The following OR8B3 variants were observed in gnomAD, a reference collection of about 807,000 sequenced individuals.
OR8B3 encodes the protein olfactory receptor 8B3.
For synonymous variants in OR8B3, 102 were observed against 135.4 expected (o/e 0.75, Z 1.71); for missense variants, 278 against 377.6 (o/e 0.74, Z 2.19).
At chr11:124,406,355 T>C in the OR8B3 span, among the ~76,000 whole-genome samples, 1 of 152,180 alleles carries the variant, frequency 6.6e-6, no homozygotes, top group East Asian at 1.9e-4. Flanking sequence ...GCCTGGAATA[T>C]GGAAAGAGTC....
the OR8B3 span, among the ~76,000 whole-genome samples, chr11:124,407,616 C>T: frequency 2.6e-5 from 4 of 152,080 alleles, no homozygotes; most frequent in African/African-American, 9.7e-5. Context: ...ACATTCCTCT[C>T]AACTGTAATA....
At chr11:124,407,322 A>G in the OR8B3 span, among the ~76,000 whole-genome samples, 7 of 152,088 alleles carry the variant, frequency 4.6e-5, no homozygotes, top group East Asian at 1.4e-3. Flanking sequence ...CTGTTTCTTC[A>G]TTTCTCTCTC....
At chr11:124,408,000 A>C in the OR8B3 span, among the ~76,000 whole-genome samples, 6 of 152,148 alleles carry the variant, frequency 3.9e-5, no homozygotes, top group African/African-American at 1.4e-4. Context: ...AGACATTTGC[A>C]CATCTTTCAT....
chr11:124,404,475 TTC>T, the OR8B3 span: 2 of 152,346 alleles, frequency 1.3e-5, no homozygotes, highest in East Asian at 1.9e-4. Context: ...ACTTATTTTT[TTC>T]TGTTTCCAAA....
rs959544927 is a variant in OR8B3 at position 124,395,563 on chromosome 11, C to T, written c.*847G>A. ...CCATTGTGTAAAATATTTCTGCTAA[C>T]TTAATGTGCAGTATTTACCTATAAC... On this transcript the variant is annotated 3_prime_UTR_variant, in exon 2 of 2. Transcript: ENST00000641139. 1 of 152,102 alleles carries T rather than the reference C, an allele frequency of 6.6e-6. No individual in the cohort carries two copies. Among genetic ancestry groups the T allele is most frequent in the Non-Finnish European group, 1.5e-5 (1 of 68,018 alleles). The allele number at this position is 152,102 out of a possible 1,614,324, so 9.4% of individuals were successfully genotyped here.
the OR8B3 span, among the ~76,000 whole-genome samples, chr11:124,409,491 C>G: frequency 3.3e-5 from 5 of 152,230 alleles, no homozygotes; most frequent in Admixed American, 6.5e-5. Context: ...ATTAGTTGTG[C>G]AATTCTCAGT....
intron 1 of OR8B3, among the ~76,000 whole-genome samples, chr11:124,398,125 T>C (rs1294041439): frequency 6.6e-6 from 1 of 152,202 alleles, no homozygotes; most frequent in Non-Finnish European, 1.5e-5. Flanking sequence ...GACAGGGGTC[T>C]CCTATAGGGT....
chr11:124,402,395 C>A (rs1407351110), upstream of OR8B3, among the ~76,000 whole-genome samples: 1 of 152,090 alleles, frequency 6.6e-6, no homozygotes, highest in Non-Finnish European at 1.5e-5. Context: ...TAAATTATAG[C>A]TTTAATTTTA....
chr11:124,408,475 G>T, the OR8B3 span, among the ~76,000 whole-genome samples: 1 of 152,170 alleles, frequency 6.6e-6, no homozygotes, highest in Non-Finnish European at 1.5e-5. Context: ...TATTGTAAGT[G>T]GCTCTTTCCA....
upstream of OR8B3, among the ~76,000 whole-genome samples, chr11:124,400,501 G>C (rs1860977353): frequency 1.3e-5 from 2 of 151,814 alleles, no homozygotes; most frequent in Non-Finnish European, 2.9e-5. Context: ...CCAGCCTCTG[G>C]TAACAACCAT....
chr11:124,396,363 T>A lies in OR8B3; in HGVS notation c.*47A>T, dbSNP rs1174109933. ...AAAATCTCTTCATGGAACACACTAA[T>A]AAAAATTTAAAGTTCTTCAATCGTT... On this transcript the variant is annotated 3_prime_UTR_variant, in exon 2 of 2. Transcript: ENST00000641139. 2.7e-6 allele frequency: 4 copies of A among 1,500,830 alleles called. No homozygotes were observed. The allele number at this position is 1,500,830 out of a possible 1,614,324, so 93.0% of individuals were successfully genotyped here.
At chr11:124,404,037 G>A in the OR8B3 span, among the ~76,000 whole-genome samples, 1 of 152,192 alleles carries the variant, frequency 6.6e-6, no homozygotes, top group Non-Finnish European at 1.5e-5. Flanking sequence ...CAGGCAGGGA[G>A]GTTGCAGTGA....
the OR8B3 span, chr11:124,404,959 T>A: frequency 6.6e-6 from 1 of 152,318 alleles, no homozygotes; most frequent in African/African-American, 2.4e-5. Flanking sequence ...TGTGGGGGTA[T>A]GAAGGTGAGA....
rs148613815 is a variant in OR8B3 at position 124,397,134 on chromosome 11, T to A, written c.218A>T (p.Tyr73Phe). The change falls in exon 2 of 2, where the codon TAC becomes TTC. Residue 73 changes from tyrosine (Y) to phenylalanine (F), a missense_variant. Tyr to Phe is a conservative substitution (Grantham distance 22, BLOSUM62 3). Transcript: ENST00000641139. ...CATTTTGGGAGTGAAAACAGAGGAG[T>A]AACAGAGATCAATGAAGGAGAGATT... ...LFNLSFIDLC[Y>F]SSVFTPKMLM... 6.8e-5 allele frequency: 109 copies of A among 1,612,122 alleles called. 1 individual carries two copies. The African/African-American group carries it at 1.3e-3, about 19-fold the overall frequency.
chr11:124,409,083 G>A, the OR8B3 span, among the ~76,000 whole-genome samples: 1 of 150,212 alleles, frequency 6.7e-6, no homozygotes, highest in South Asian at 2.1e-4. Flanking sequence ...CCAATGTAGG[G>A]GCTCGCCTGC....
chr11:124,403,446 G>A (rs1425383755), upstream of OR8B3, among the ~76,000 whole-genome samples: 4 of 150,302 alleles, frequency 2.7e-5, no homozygotes, highest in East Asian at 2.0e-4. Context: ...CGGGGCGGCC[G>A]GGCAGAGACG....
intron 1 of OR8B3, 36 bp downstream of exon 1, chr11:124,398,654 A>T (rs990309503): frequency 6.6e-6 from 1 of 152,202 alleles, no homozygotes; most frequent in Non-Finnish European, 1.5e-5. Context: ...TTTCAGCAAC[A>T]TCCAGGAGAG....
chr11:124,403,785 G>A (rs1467548122), upstream of OR8B3, among the ~76,000 whole-genome samples: 1 of 152,050 alleles, frequency 6.6e-6, no homozygotes, highest in Non-Finnish European at 1.5e-5. Context: ...AGGTTGTAGC[G>A]AGCCGAGATC....
chr11:124,396,530 A>T lies in OR8B3; in HGVS notation c.822T>A (p.Ser274=), dbSNP rs762486067. 5.0e-6 allele frequency: 8 copies of T among 1,613,980 alleles called. No individual in the cohort carries two copies. The Admixed American group carries it at 5.0e-5, about 10-fold the overall frequency. Residue 274 remains serine, a synonymous_variant, in exon 2 of 2, where the codon TCT becomes TCA. Transcript: ENST00000641139. ...SGSMEQGKVS[S]VFYTNVVPML... ...TGGGCACCACATTAGTGTAGAAAACAGAAGAAACTTTTCCCTGCTCCATAG... is the reference window on the plus strand; with the variant it reads ...TGGGCACCACATTAGTGTAGAAAACTGAAGAAACTTTTCCCTGCTCCATAG...
Sources: allele counts gnomAD v4.1 joint callset (sites outside exome capture counted in the v4.1 genomes callset), GRCh38; gene constraint gnomAD v4.1.1; transcripts MANE v1.5; gene names NCBI Gene and HGNC (gene_info 2026-07-23, HGNC 2026-07-21).